The following TTC17 variants were observed in gnomAD, a reference collection of about 807,000 sequenced individuals.
TTC17 encodes the protein tetratricopeptide repeat protein 17.
Under a neutral mutation model 143.8 loss-of-function variants are expected in TTC17, and 58 were observed. That is an observed-to-expected ratio of 0.40 (90% CI 0.33 to 0.50). TTC17 has a LOEUF of 0.50. Ranked by LOEUF, TTC17 falls within the 20% of genes least tolerant of loss-of-function variation. TTC17 has a pLI of 0.49. For synonymous variants in TTC17, 501 were observed against 497.8 expected (o/e 1.01, Z -0.09); for missense variants, 1,273 against 1,392.5 (o/e 0.91, Z 1.37).
At chr11:43,444,631 A>T (rs1010020136) in intron 18 of TTC17, 1 of 154,886 alleles carries the variant, frequency 6.5e-6, no homozygotes, top group Non-Finnish European at 1.4e-5. Context: ...GAGGGTATCA[A>T]TATCATTTAA....
At chr11:43,424,142 G>A (rs1405605282) in intron 16 of TTC17, among the ~76,000 whole-genome samples, 1 of 149,876 alleles carries the variant, frequency 6.7e-6, no homozygotes, top group African/African-American at 2.5e-5. Context: ...GCCCAGGCTA[G>A]AGTGCAGTGG....
At chr11:43,448,226 C>T in intron 19 of TTC17, 104 bp downstream of exon 19, 2 of 1,475,980 alleles carry the variant, frequency 1.4e-6, no homozygotes, top group Non-Finnish European at 9.1e-7. Context: ...GTTATCCTTT[C>T]TAGAGCTGAA....
intron 1 of TTC17, among the ~76,000 whole-genome samples, chr11:43,373,126 A>G (rs1856633603): frequency 6.6e-6 from 1 of 151,932 alleles, no homozygotes; most frequent in South Asian, 2.1e-4. Flanking sequence ...TCTCCTTCAT[A>G]TTGTCTATAT....
chr11:43,401,808 C>G (rs1857867370), intron 10 of TTC17, among the ~76,000 whole-genome samples: 1 of 151,788 alleles, frequency 6.6e-6, no homozygotes, highest in South Asian at 2.1e-4. Context: ...GAAACCCCAT[C>G]TCTACAAAAA....
Position 43,396,692 on chromosome 11 carries a change from ACT to A in TTC17, c.664-16_664-15del. 1 of 1,475,238 alleles carries A rather than the reference ACT, an allele frequency of 6.8e-7. No homozygotes were observed. Among genetic ancestry groups the A allele is most frequent in the Non-Finnish European group, 9.3e-7 (1 of 1,076,238 alleles). The allele number at this position is 1,475,238 out of a possible 1,614,324, so 91.4% of individuals were successfully genotyped here. ...TGTCTTGAGTCGTGTTTGTAATTTT[ACT>A]TTTTTAATCTCTAGAACACTTCCTC... On this transcript the variant is annotated splice_polypyrimidine_tract_variant and intron_variant, in intron 5 of 23. Coordinates refer to ENST00000039989, the MANE Select transcript of TTC17 (RefSeq NM_018259.6).
chr11:43,419,893 C>A (rs944007524), intron 16 of TTC17, among the ~76,000 whole-genome samples: 2 of 152,138 alleles, frequency 1.3e-5, no homozygotes, highest in African/African-American at 4.8e-5. Context: ...AGTTAGGTCA[C>A]CTCCATTTAT....
intron 21 of TTC17, among the ~76,000 whole-genome samples, chr11:43,484,128 C>T (rs1279629445): frequency 1.3e-5 from 2 of 151,880 alleles, no homozygotes; most frequent in African/African-American, 2.4e-5. Context: ...GGCGAGAGAG[C>T]GAGACTCCAT....
chr11:43,479,518 A>G (rs1223780013), intron 21 of TTC17, among the ~76,000 whole-genome samples: 1 of 152,224 alleles, frequency 6.6e-6, no homozygotes, highest in Non-Finnish European at 1.5e-5. Context: ...AAATGAATCA[A>G]CAGACTTAGG....
At chr11:43,477,930 A>G (rs915917816) in intron 21 of TTC17, among the ~76,000 whole-genome samples, 2 of 152,206 alleles carry the variant, frequency 1.3e-5, no homozygotes, top group Non-Finnish European at 2.9e-5. Context: ...CCCTTAATGA[A>G]TATCAGCAGT....
At chr11:43,490,936 A>T (rs1948465035) in intron 22 of TTC17, 1 of 147,320 alleles carries the variant, frequency 6.8e-6, no homozygotes, top group Non-Finnish European at 1.5e-5. Context: ...TATTGTTATG[A>T]TGGATGAGAA....
At chr11:43,394,551 G>C (rs1377830152) in intron 5 of TTC17, among the ~76,000 whole-genome samples, 12 of 152,042 alleles carry the variant, frequency 7.9e-5, no homozygotes, top group Admixed American at 7.9e-4. Context: ...TTAGATATGG[G>C]GATTGAAGGC....
chr11:43,493,632 T>G, intron 23 of TTC17, 141 bp from the exon 24 acceptor site: 1 of 1,296,230 alleles, frequency 7.7e-7, no homozygotes, highest in South Asian at 1.4e-5. Context: ...CCTCAGAGTT[T>G]TCCACAAAGA....
At chr11:43,463,072 C>T (rs1471288581) in intron 21 of TTC17, among the ~76,000 whole-genome samples, 1 of 151,946 alleles carries the variant, frequency 6.6e-6, no homozygotes, top group Non-Finnish European at 1.5e-5. Context: ...TGCGCCACCA[C>T]ACCCAGGAAT....
At chr11:43,450,055 G>C in intron 19 of TTC17, 27 bp from the exon 20 acceptor site, 2 of 1,603,492 alleles carry the variant, frequency 1.2e-6, no homozygotes, top group South Asian at 2.2e-5. Flanking sequence ...ATTTCCCATA[G>C]CTAATGTGGT....
chr11:43,492,998 C>T (rs1948499464), intron 23 of TTC17, among the ~76,000 whole-genome samples: 1 of 152,234 alleles, frequency 6.6e-6, no homozygotes, highest in Admixed American at 6.5e-5. Context: ...TTCTTGACTT[C>T]AGAGGCGAGA....
chr11:43,380,350 G>A (rs971965792), intron 2 of TTC17, among the ~76,000 whole-genome samples: 4 of 152,092 alleles, frequency 2.6e-5, no homozygotes, highest in South Asian at 2.1e-4. Context: ...CCACCTCCCC[G>A]GTTCAAGCCA....
Position 43,358,936 on chromosome 11 carries a change from G to C in TTC17, c.-19G>C. On this transcript the variant is annotated 5_prime_UTR_variant, in exon 1 of 24. Transcript: ENST00000039989. ...CTAGCTTCCGCTTCCGGTGTGAGCG[G>C]CCCGGCCGGGGGGGCAAGATGGCGG... 2.6e-6 allele frequency: 4 copies of C among 1,562,008 alleles called. No homozygotes were observed. The highest frequency in any genetic ancestry group is 1.2e-5 in the South Asian group (1 of 85,554).
chr11:43,437,219 T>A (rs773109623), intron 16 of TTC17, among the ~76,000 whole-genome samples: 5 of 152,180 alleles, frequency 3.3e-5, no homozygotes, highest in Non-Finnish European at 7.3e-5. Flanking sequence ...TGCTTCTAAT[T>A]TCTGTATTCC....
chr11:43,369,785 T>C (rs1218128306), intron 1 of TTC17, among the ~76,000 whole-genome samples: 1 of 152,028 alleles, frequency 6.6e-6, no homozygotes, highest in East Asian at 1.9e-4. Context: ...CCTGGCTAAT[T>C]GTTGTATTTT....
Sources: allele counts gnomAD v4.1 joint callset (sites outside exome capture counted in the v4.1 genomes callset), GRCh38; gene constraint gnomAD v4.1.1; transcripts MANE v1.5; gene names NCBI Gene and HGNC (gene_info 2026-07-23, HGNC 2026-07-21).